Variants in PABPN1L observed in about 807,000 individuals in gnomAD.
The protein encoded by PABPN1L is PABPN1 like, cytoplasmic, also known as embryonic polyadenylate-binding protein 2.
In PABPN1L, 45 loss-of-function variants were observed where a neutral mutation model predicts 34.0. The ratio of observed to expected loss-of-function variants is 1.32; its 90% confidence interval spans 1.04 to 1.70. The LOEUF (loss-of-function observed/expected upper bound fraction) is 1.70, where lower values mean the gene tolerates loss of function less well. PABPN1L is among the 40% of genes most tolerant of loss of function. The pLI is 0.00. For missense variants in PABPN1L, 459 were observed against 367.8 expected, an observed-to-expected ratio of 1.25 and a Z score of -2.03; for synonymous variants, 182 against 152.1, an observed-to-expected ratio of 1.20 and a Z score of -1.45.
intron 6 of PABPN1L, 41 bp from the exon 7 acceptor site, chr16:88,863,836 G>A (rs1383380802): frequency 6.6e-7 from 1 of 1,524,368 alleles, no homozygotes; most frequent in Non-Finnish European, 8.8e-7. Flanking sequence ...CCTTCCAGAG[G>A]AGAAGGGGTG....
chr16:88,868,424 G>A (rs1264871444), upstream of PABPN1L, among the ~76,000 whole-genome samples: 1 of 152,106 alleles, frequency 6.6e-6, no homozygotes, highest in Non-Finnish European at 1.5e-5. Context: ...CCAACATGGT[G>A]AAACCCTGTC....
upstream of PABPN1L, among the ~76,000 whole-genome samples, chr16:88,869,198 C>G (rs564451822): frequency 1.3e-5 from 2 of 152,342 alleles, no homozygotes; most frequent in Non-Finnish European, 2.9e-5. Flanking sequence ...AGGAGGCTGA[C>G]TGAAGACCAT....
upstream of PABPN1L, among the ~76,000 whole-genome samples, chr16:88,867,045 C>T (rs997012218): frequency 6.6e-6 from 1 of 152,108 alleles, no homozygotes; most frequent in African/African-American, 2.4e-5. Context: ...AGGTGGCTTC[C>T]GACCAGGAGA....
Position 88,865,602 on chromosome 16 carries a change from C to G in PABPN1L, c.420G>C (p.Glu140Asp). The change falls in exon 3 of 7, where the codon GAG becomes GAC. Residue 140 changes from glutamate (E) to aspartate (D), a missense_variant. Transcript: ENST00000419291. ...CGGATCTGTGGTCAGCCTCCACCTTCTCCTCGGGGGTCCCAGAGAGGGGGC... is the reference window on the plus strand; with the variant it reads ...CGGATCTGTGGTCAGCCTCCACCTTGTCCTCGGGGGTCCCAGAGAGGGGGC... 1 of 1,610,950 alleles carries G rather than the reference C, an allele frequency of 6.2e-7. No individual in the cohort carries two copies. The highest frequency in any genetic ancestry group is 8.5e-7 in the Non-Finnish European group (1 of 1,179,114).
exon 7 of PABPN1L, chr16:88,863,477 C>T (rs868228416): frequency 2.5e-5 from 14 of 562,798 alleles, no homozygotes; most frequent in Middle Eastern, 4.7e-4. Context: ...CTGCTCCTCC[C>T]CTCCCTCAAC....
In PABPN1L at chr16:88,866,514, C is replaced by A. The variant is rs1481367321; in HGVS notation, c.93G>T (p.Gly31=). Residue 31 remains glycine (G), a synonymous_variant, in exon 1 of 7, where the codon GGG becomes GGT. Transcript: ENST00000419291. ...GAATCTCCTTGGTCTCGTTCCAGGCCCCCCAGCCCTGGGCCTCAGGGTCTG... is the reference window on the plus strand; with the variant it reads ...GAATCTCCTTGGTCTCGTTCCAGGCACCCCAGCCCTGGGCCTCAGGGTCTG... The A allele has an allele frequency of 5.2e-6, 8 of 1,551,194 alleles. No homozygotes were observed. In the Admixed American group the frequency reaches 5.9e-5, roughly 11 times the overall value.
chr16:88,866,539 G>A, exon 1 of PABPN1L: 3 of 1,551,476 alleles, frequency 1.9e-6, no homozygotes, highest in African/African-American at 1.4e-5. Flanking sequence ...CTCAGGGTCT[G>A]AGGAGACCGT....
upstream of PABPN1L, among the ~76,000 whole-genome samples, chr16:88,867,118 G>GC (rs1025592824): frequency 6.6e-6 from 1 of 152,208 alleles, no homozygotes; most frequent in African/African-American, 2.4e-5. Context: ...GCAGGTTGGG[G>GC]CGGGGTCCTG....
upstream of PABPN1L, among the ~76,000 whole-genome samples, chr16:88,869,861 G>A (rs941525900): frequency 6.6e-6 from 1 of 152,230 alleles, no homozygotes; most frequent in African/African-American, 2.4e-5. Flanking sequence ...GGGGACAGAC[G>A]GCTCCGACCC....
chr16:88,865,157 G>A (rs767733331), intron 3 of PABPN1L, 29 bp from the exon 4 acceptor site: 6 of 1,549,750 alleles, frequency 3.9e-6, no homozygotes, highest in Non-Finnish European at 5.2e-6. Context: ...CAGCATGTGA[G>A]GGAGACGCCT....
chr16:88,866,888 G>C (rs531121996), upstream of PABPN1L, among the ~76,000 whole-genome samples: 2 of 152,232 alleles, frequency 1.3e-5, no homozygotes, highest in African/African-American at 2.4e-5. Flanking sequence ...GCCTGGCCAC[G>C]CTGTGGCTCA....
exon 7 of PABPN1L, chr16:88,863,568 G>T: frequency 1.3e-6 from 1 of 752,122 alleles, no homozygotes; most frequent in Non-Finnish European, 2.3e-6. Flanking sequence ...CTGTGGCCTT[G>T]GGTCTGGACC....
At chr16:88,868,597 C>G (rs139428361), upstream of PABPN1L, among the ~76,000 whole-genome samples, 476 of 152,114 alleles carry the variant, frequency 3.1e-3, 9 homozygotes, top group South Asian at 0.041. Context: ...CGGAGTGAGA[C>G]TGTCTCAAAA....
chr16:88,864,941 C>T lies in PABPN1L; in HGVS notation c.567-1G>A. On this transcript the variant is annotated splice_acceptor_variant, in intron 4 of 6. Coordinates refer to ENST00000419291, the Ensembl canonical transcript of PABPN1L. LOFTEE classifies it high-confidence loss of function. ...GGTGGCAAACTCTATGTAGGCATAACTGAGGGGAGGGGCAGGGAGGGGAGG... is the reference window on the plus strand; with the variant it reads ...GGTGGCAAACTCTATGTAGGCATAATTGAGGGGAGGGGCAGGGAGGGGAGG... 1 of 1,060,338 alleles carries T rather than the reference C, an allele frequency of 9.4e-7. No individual in the cohort carries two copies. The highest frequency in any genetic ancestry group is 1.4e-6 in the Non-Finnish European group (1 of 732,780). 65.7% of individuals were successfully genotyped at this position (1,060,338 alleles called of 1,614,324 possible). A position where few individuals can be genotyped will look rare whatever the true frequency, so the allele number is the denominator to read the frequency against.
At chr16:88,869,618 T>A (rs1968661290), upstream of PABPN1L, among the ~76,000 whole-genome samples, 1 of 152,216 alleles carries the variant, frequency 6.6e-6, no homozygotes, top group Non-Finnish European at 1.5e-5. Context: ...CCCTGCCCCG[T>A]GTGTCTGTGC....
rs751738209 is a variant in PABPN1L at position 88,864,380 on chromosome 16, C to G, written c.655-1G>C. 127 of 1,554,344 alleles carry G rather than the reference C, an allele frequency of 8.2e-5. No homozygotes were observed. The East Asian group carries it at 1.6e-3, about 20-fold the overall frequency. ...GGAAGTTGGTTCTTTTCGGCAGCAC[C>G]TGGAGCAAAGGCCTGTTTTGAGTCC... On this transcript the variant is annotated splice_acceptor_variant, in intron 5 of 6. Transcript: ENST00000419291. LOFTEE classifies it high-confidence loss of function.
chr16:88,866,734 T>C, upstream of PABPN1L: 5 of 1,319,102 alleles, frequency 3.8e-6, no homozygotes, highest in Middle Eastern at 2.7e-4. Flanking sequence ...CTAGAGCATT[T>C]GCAAAGGCTG....
intron 6 of PABPN1L, 67 bp from the exon 7 acceptor site, chr16:88,863,862 G>C (rs561583511): frequency 1.4e-6 from 2 of 1,452,268 alleles, no homozygotes; most frequent in Admixed American, 2.0e-5. Context: ...CCAGGGCCCC[G>C]GGGGACAACA....
chr16:88,869,172 T>C (rs1968654511), upstream of PABPN1L, among the ~76,000 whole-genome samples: 1 of 152,248 alleles, frequency 6.6e-6, no homozygotes, highest in Non-Finnish European at 1.5e-5. Context: ...AAATTCTGTT[T>C]TCTTTTCCCA....
Sources: gnomAD v4.1 joint callset for allele counts (sites outside exome capture counted in the v4.1 genomes callset) on GRCh38, gnomAD v4.1.1 for gene constraint, MANE v1.5 for transcripts, NCBI Gene and HGNC (gene_info 2026-07-23, HGNC 2026-07-21) for gene names.